The following STON1 variants were observed in gnomAD, a reference collection of about 807,000 sequenced individuals.
The protein encoded by STON1 is stonin 1.
A neutral mutation model predicts 60.9 loss-of-function variants in STON1; 79 were observed. That is an observed-to-expected ratio of 1.30 (90% CI 1.08 to 1.56). The LOEUF (loss-of-function observed/expected upper bound fraction) is 1.56. Among genes scored for constraint, STON1 ranks in the 40% most tolerant of loss-of-function variants. STON1 has a pLI of 0.00. For synonymous variants in STON1, 363 were observed against 306.9 expected (o/e 1.18, Z -1.91); for missense variants, 1,166 against 858.9 (o/e 1.36, Z -4.47).
At chr2:48,546,602 C>A (rs942402021) in intron 1 of STON1, among the ~76,000 whole-genome samples, 3 of 152,246 alleles carry the variant, frequency 2.0e-5, no homozygotes, top group Admixed American at 6.5e-5. Flanking sequence ...GAACAAAGTA[C>A]TTCAGAATTG....
chr2:48,587,726 G>A (rs886641308), intron 2 of STON1, among the ~76,000 whole-genome samples: 3 of 152,190 alleles, frequency 2.0e-5, no homozygotes, highest in African/African-American at 7.2e-5. Flanking sequence ...GGCCCACAGA[G>A]GACAACATTT....
At chr2:48,574,877 C>T (rs768373664) in intron 1 of STON1, among the ~76,000 whole-genome samples, 2 of 152,198 alleles carry the variant, frequency 1.3e-5, no homozygotes, top group Non-Finnish European at 2.9e-5. Flanking sequence ...TGAAACTACA[C>T]AACAGGAAAT....
At chr2:48,579,732 T>G (rs1228249195) in intron 1 of STON1, among the ~76,000 whole-genome samples, 10 of 152,146 alleles carry the variant, frequency 6.6e-5, no homozygotes, top group Admixed American at 6.6e-4. Context: ...GCAGTTTAGT[T>G]GAGTTTATAG....
chr2:48,560,472 A>T, intron 1 of STON1, among the ~76,000 whole-genome samples: 1 of 152,172 alleles, frequency 6.6e-6, no homozygotes, highest in African/African-American at 2.4e-5. Context: ...AGCCCACAGA[A>T]CACAGATGCC....
intron 1 of STON1, among the ~76,000 whole-genome samples, chr2:48,570,787 A>G (rs747629003): frequency 6.7e-6 from 1 of 148,610 alleles, no homozygotes; most frequent in Admixed American, 6.7e-5. Flanking sequence ...GCCATAATAC[A>G]TACTCCTTTT....
Position 48,582,641 on chromosome 2 carries a change from A to C in STON1, c.1930+78A>C. ...TTACCTTCCTCCTTGGGTTGAAACC[A>C]GGTAGAGACAGATGGCAATTTGTCA... On this transcript the variant is annotated intron_variant, in intron 2 of 3. Coordinates refer to ENST00000404752, the MANE Select transcript of STON1 (RefSeq NM_006873.4). 2.6e-6 allele frequency: 4 copies of C among 1,517,812 alleles called. No individual in the cohort carries two copies. The Middle Eastern group carries it at 5.8e-4, about 220-fold the overall frequency. 94.0% of individuals were successfully genotyped at this position (1,517,812 alleles called of 1,614,324 possible).
chr2:48,586,131 C>T (rs1451106415), intron 2 of STON1, among the ~76,000 whole-genome samples: 3 of 152,240 alleles, frequency 2.0e-5, no homozygotes, highest in Non-Finnish European at 4.4e-5. Context: ...CCATACCAAT[C>T]ATCTTTTCTA....
chr2:48,567,369 C>G (rs1026382048), intron 1 of STON1, among the ~76,000 whole-genome samples: 1 of 152,138 alleles, frequency 6.6e-6, no homozygotes, highest in Admixed American at 6.6e-5. Flanking sequence ...CTTTCGCTTT[C>G]CCCTTTAGAA....
intron 1 of STON1, among the ~76,000 whole-genome samples, chr2:48,567,950 C>T (rs1673019389): frequency 6.6e-6 from 1 of 152,122 alleles, no homozygotes; most frequent in Admixed American, 6.5e-5. Context: ...TCTGAGAATT[C>T]CTTATTTGAA....
At chr2:48,564,491 T>TCTTTCTTCTTCTC (rs1672799009) in intron 1 of STON1, among the ~76,000 whole-genome samples, 1 of 20,408 alleles carries the variant, frequency 4.9e-5, no homozygotes, top group Non-Finnish European at 1.0e-4. Flanking sequence ...TTCTTCTTCT[T>TCTTTCTTCTTCTC]CTTCTTCTTC....
At chr2:48,532,437 CAAA>C (rs10570049) in intron 1 of STON1, among the ~76,000 whole-genome samples, 64 of 142,454 alleles carry the variant, frequency 4.5e-4, no homozygotes, top group Non-Finnish European at 6.2e-4. Context: ...AAAGTAAGTC[CAAA>C]AAAAAAAAAA....
chr2:48,547,723 T>C (rs1671919781), intron 1 of STON1, among the ~76,000 whole-genome samples: 1 of 152,188 alleles, frequency 6.6e-6, no homozygotes, highest in African/African-American at 2.4e-5. Flanking sequence ...TGTTTAGATT[T>C]AGTTGATGTC....
intron 1 of STON1, among the ~76,000 whole-genome samples, chr2:48,532,946 A>G (rs894433435): frequency 1.3e-5 from 2 of 152,222 alleles, no homozygotes; most frequent in Admixed American, 1.3e-4. Flanking sequence ...GGAAAAGGCC[A>G]GGCACAGTGG....
In STON1 at chr2:48,560,749, C is replaced by T. The variant is rs79941806; in HGVS notation, c.-47-19838C>T. ...CAGCTGCAGAAACCCAGGAGCTGGG[C>T]GAGAGGGTGGGGGTTAAGATCCAGG... On this transcript the variant is annotated intron_variant, in intron 1 of 3. Transcript: ENST00000404752. Among the ~76,000 whole-genome samples, 574 of 152,272 alleles carry T rather than the reference C, an allele frequency of 3.8e-3. 3 individuals are homozygous for T. The highest frequency in any genetic ancestry group is 0.013 in the African/African-American group (535 of 41,556).
At chr2:48,593,961 G>A (rs1245509162) in intron 3 of STON1, among the ~76,000 whole-genome samples, 1 of 152,194 alleles carries the variant, frequency 6.6e-6, no homozygotes, top group African/African-American at 2.4e-5. Flanking sequence ...CTGAGGTCAT[G>A]CCTCCTTCCT....
chr2:48,548,066 C>G (rs1671934507), intron 1 of STON1, among the ~76,000 whole-genome samples: 2 of 152,218 alleles, frequency 1.3e-5, no homozygotes, highest in African/African-American at 4.8e-5. Context: ...GGTGACCAGC[C>G]TTTGGTAACT....
chr2:48,564,455 C>T (rs1256045877), intron 1 of STON1, among the ~76,000 whole-genome samples: 2 of 53,580 alleles, frequency 3.7e-5, no homozygotes, highest in African/African-American at 1.4e-4. Context: ...TCTTCTTCTT[C>T]TTCTTCTTCT....
chr2:48,563,458 C>A (rs1445378822), intron 1 of STON1, among the ~76,000 whole-genome samples: 3 of 152,222 alleles, frequency 2.0e-5, no homozygotes, highest in African/African-American at 7.2e-5. Context: ...GAATCTGTGG[C>A]TCTTACTTGT....
At position 48,575,017 on chromosome 2, in the gene STON1, A is replaced by T. The variant is rs543468657; in HGVS notation, c.-47-5570A>T. 1.0e-3 allele frequency among the ~76,000 whole-genome samples: 159 copies of T among 152,280 alleles called. 1 individual carries two copies. Among genetic ancestry groups the T allele is most frequent in the African/African-American group, 3.7e-3 (153 of 41,546 alleles). On this transcript the variant is annotated intron_variant, in intron 1 of 3. Coordinates refer to ENST00000404752, the MANE Select transcript of STON1 (RefSeq NM_006873.4). The stretch of plus-strand genomic sequence containing the variant: ...TATATCCACTGAACAGCAACTTCCC[A>T]TTTTTACCTACTCCCAGTTCCTGGC...
Sources: gnomAD v4.1 joint callset for allele counts (sites outside exome capture counted in the v4.1 genomes callset) on GRCh38, gnomAD v4.1.1 for gene constraint, MANE v1.5 for transcripts, NCBI Gene and HGNC (gene_info 2026-07-23, HGNC 2026-07-21) for gene names.